Variants in SLC25A48 observed in about 807,000 individuals in gnomAD.
SLC25A48 encodes the protein solute carrier family 25 member 48, also known as CTC-321K16.1.
A neutral mutation model predicts 32.2 loss-of-function variants in SLC25A48; 29 were observed. That is an observed-to-expected ratio of 0.90 (90% CI 0.67 to 1.23). The LOEUF (loss-of-function observed/expected upper bound fraction) is 1.23. Among genes scored for constraint, SLC25A48 ranks in the 50% most tolerant of loss-of-function variants. SLC25A48 has a pLI of 0.00. For synonymous variants in SLC25A48, 164 were observed against 172.3 expected (o/e 0.95, Z 0.38); for missense variants, 399 against 422.7 (o/e 0.94, Z 0.49).
At chr5:135,621,784 G>A (rs1262024325) in intron 1 of SLC25A48, among the ~76,000 whole-genome samples, 1 of 152,078 alleles carries the variant, frequency 6.6e-6, no homozygotes, top group Non-Finnish European at 1.5e-5. Flanking sequence ...TAAAATTTAG[G>A]TTCCCAAGCT....
chr5:135,684,674 C>T (rs1024390132), intron 3 of SLC25A48, among the ~76,000 whole-genome samples: 1 of 152,216 alleles, frequency 6.6e-6, no homozygotes, highest in Non-Finnish European at 1.5e-5. Context: ...TCTGGTTGGG[C>T]CCAGCACACA....
chr5:135,803,228 A>T (rs1456745935), intron 3 of SLC25A48, among the ~76,000 whole-genome samples: 1 of 151,198 alleles, frequency 6.6e-6, no homozygotes, highest in Non-Finnish European at 1.5e-5. Flanking sequence ...TTTATAATAT[A>T]CTTGGCAGAT....
intron 3 of SLC25A48, among the ~76,000 whole-genome samples, chr5:135,702,587 T>C (rs545930364): frequency 1.3e-5 from 2 of 152,368 alleles, no homozygotes; most frequent in African/African-American, 4.8e-5. Context: ...GCAAAGTTTG[T>C]GGTACTTTGT....
chr5:135,879,670 G>A (rs1168590917), intron 6 of SLC25A48, among the ~76,000 whole-genome samples: 3 of 151,858 alleles, frequency 2.0e-5, no homozygotes, highest in Non-Finnish European at 2.9e-5. Context: ...GAAAGAGAGG[G>A]AGAGAGAGGG....
At chr5:135,709,829 C>G (rs1580803754) in intron 3 of SLC25A48, among the ~76,000 whole-genome samples, 1 of 152,184 alleles carries the variant, frequency 6.6e-6, no homozygotes, top group East Asian at 1.9e-4. Flanking sequence ...GTACTTGGTT[C>G]ATGTTGACTG....
At chr5:135,627,106 G>A (rs1752456437) in intron 1 of SLC25A48, among the ~76,000 whole-genome samples, 1 of 152,184 alleles carries the variant, frequency 6.6e-6, no homozygotes, top group Non-Finnish European at 1.5e-5. Flanking sequence ...TGAAAGAAGA[G>A]TATTGGTCCT....
chr5:135,635,854 C>T (rs1752690210), intron 3 of SLC25A48, among the ~76,000 whole-genome samples: 1 of 152,192 alleles, frequency 6.6e-6, no homozygotes, highest in Admixed American at 6.5e-5. Context: ...CTTGGTACAG[C>T]CCATTCCAGT....
At chr5:135,861,344 G>C (rs1019624873) in intron 4 of SLC25A48, among the ~76,000 whole-genome samples, 2 of 148,294 alleles carry the variant, frequency 1.3e-5, no homozygotes, top group African/African-American at 4.9e-5. Flanking sequence ...CACACACACT[G>C]AAAGAGTCTA....
intron 6 of SLC25A48, chr5:135,874,652 C>T (rs1265532458): frequency 1.4e-5 from 10 of 699,558 alleles, no homozygotes; most frequent in South Asian, 4.5e-5. Flanking sequence ...GACCTCTGGT[C>T]GTGGCTGAGG....
intron 3 of SLC25A48, among the ~76,000 whole-genome samples, chr5:135,787,829 ATAT>A (rs139644873): frequency 0.24 from 36,966 of 151,376 alleles, 4,935 homozygotes; most frequent in East Asian, 0.44. Context: ...ACATTTTTTG[ATAT>A]TATTCTTAAT....
intron 1 of SLC25A48, among the ~76,000 whole-genome samples, chr5:135,610,766 G>A (rs6881679): frequency 0.49 from 74,842 of 152,008 alleles, 18,888 homozygotes; most frequent in African/African-American, 0.61. Context: ...ACTGAATAAA[G>A]GGAAAAGTTT....
In SLC25A48 at chr5:135,780,684, A is replaced by T. The variant is rs1756697973; in HGVS notation, c.-520-31839A>T. Among the ~76,000 whole-genome samples the T allele has an allele frequency of 1.7e-5, 2 of 116,062 alleles. 1 individual carries two copies. The highest frequency in any genetic ancestry group is 6.2e-4 in the South Asian group (2 of 3,222). 76.1% of individuals were successfully genotyped at this position (116,062 alleles called of 152,430 possible). ...CCAATGTCATAAAGGGTATATATTC[A>T]CTCGGTGTTATTTTTCCTTATATCC... is the stretch of plus-strand genomic sequence containing the variant. On this transcript the variant is annotated intron_variant, in intron 3 of 10. Transcript: ENST00000646290.
At chr5:135,612,379 G>A (rs141294859) in intron 1 of SLC25A48, among the ~76,000 whole-genome samples, 16 of 152,158 alleles carry the variant, frequency 1.1e-4, no homozygotes, top group African/African-American at 3.4e-4. Context: ...TATCATTTCT[G>A]TGTGTTGGGA....
chr5:135,652,913 A>T (rs1480003551), intron 3 of SLC25A48, among the ~76,000 whole-genome samples: 1 of 152,204 alleles, frequency 6.6e-6, no homozygotes, highest in East Asian at 1.9e-4. Context: ...CCAATGCAAC[A>T]GTGTTGGGAA....
chr5:135,654,046 G>A (rs1183323810), intron 3 of SLC25A48: 2 of 385,984 alleles, frequency 5.2e-6, no homozygotes, highest in African/African-American at 4.2e-5. Context: ...GCCACAGCCT[G>A]CTTATGTAAC....
intron 3 of SLC25A48, among the ~76,000 whole-genome samples, chr5:135,852,260 G>A (rs1020001490): frequency 1.3e-5 from 2 of 152,154 alleles, no homozygotes; most frequent in African/African-American, 4.8e-5. Flanking sequence ...CTTGGCCACA[G>A]CCTGACTTCT....
rs374248492 is a variant in SLC25A48 at position 135,850,513 on chromosome 5, C to T, written c.162+17C>T. 177 of 1,613,280 alleles carry T rather than the reference C, an allele frequency of 1.1e-4. 1 individual carries two copies. In the African/African-American group the frequency reaches 1.4e-3, roughly 13 times the overall value. On this transcript the variant is annotated intron_variant, in intron 3 of 7. Transcript: ENST00000681962. ...AGGGAGAGTGTAAGTGCCCCTTGGGCGGGTGGAGTGATGCCTGCCTGGGCC... is the reference window on the plus strand; with the variant it reads ...AGGGAGAGTGTAAGTGCCCCTTGGGTGGGTGGAGTGATGCCTGCCTGGGCC...
At chr5:135,761,334 G>A (rs1756054188) in intron 3 of SLC25A48, among the ~76,000 whole-genome samples, 1 of 152,010 alleles carries the variant, frequency 6.6e-6, no homozygotes, top group Non-Finnish European at 1.5e-5. Context: ...ATAGCATTAG[G>A]AGATATACCT....
intron 4 of SLC25A48, among the ~76,000 whole-genome samples, chr5:135,815,849 TA>T (rs1050733675): frequency 2.6e-5 from 4 of 152,166 alleles, no homozygotes; most frequent in African/African-American, 9.7e-5. Flanking sequence ...ATTTTTATTT[TA>T]AAAAAATCTA....
Sources: gnomAD v4.1 joint callset for allele counts (sites outside exome capture counted in the v4.1 genomes callset) on GRCh38, gnomAD v4.1.1 for gene constraint, MANE v1.5 for transcripts, NCBI Gene and HGNC (gene_info 2026-07-23, HGNC 2026-07-21) for gene names.